The following LSAMP variants were observed in gnomAD, a reference collection of about 807,000 sequenced individuals.
The protein encoded by LSAMP is limbic system associated membrane protein, also known as limbic system-associated membrane protein.
Under a neutral mutation model 38.6 loss-of-function variants are expected in LSAMP, and 7 were observed. That is an observed-to-expected ratio of 0.18 (90% CI 0.10 to 0.34). LSAMP has a LOEUF of 0.34. LSAMP is among the 10% of genes least tolerant of loss of function. The probability of loss-of-function intolerance (pLI) is 1.00; values close to 1 mark genes in which losing one functional copy is unlikely to be tolerated. For synonymous variants in LSAMP, 154 were observed against 166.8 expected, an observed-to-expected ratio of 0.92 and a Z score of 0.59; for missense variants, 313 against 420.0, an observed-to-expected ratio of 0.75 and a Z score of 2.23.
chr3:116,175,135 G>T lies in LSAMP; in HGVS notation c.156-88579C>A, dbSNP rs938547553. ...ATAACACTCATCCTGAGACAGCTAG[G>T]TTTATTGTTCTTTAGTTATTTTTTT... is the stretch of plus-strand genomic sequence containing the variant. On this transcript the variant is annotated intron_variant, in intron 1 of 6. Coordinates refer to ENST00000490035, the MANE Select transcript of LSAMP (RefSeq NM_002338.5). Among the ~76,000 whole-genome samples, 43 of 139,830 alleles carry T rather than the reference G, an allele frequency of 3.1e-4. 1 individual carries two copies. The highest frequency in any genetic ancestry group is 1.8e-3 in the Admixed American group (24 of 13,222). The allele number at this position is 139,830 out of a possible 152,430, so 91.7% of individuals were successfully genotyped here.
intron 1 of LSAMP, among the ~76,000 whole-genome samples, chr3:116,249,869 C>T (rs776542537): frequency 6.6e-6 from 1 of 152,092 alleles, no homozygotes; most frequent in Non-Finnish European, 1.5e-5. Context: ...ATGACAATAT[C>T]ATACTGTCAA....
At chr3:115,846,118 A>G (rs992850421) in intron 4 of LSAMP, among the ~76,000 whole-genome samples, 2 of 152,242 alleles carry the variant, frequency 1.3e-5, no homozygotes, top group Non-Finnish European at 2.9e-5. Context: ...ATTACAAATC[A>G]TACTGCAGCA....
intron 1 of LSAMP, among the ~76,000 whole-genome samples, chr3:116,158,527 T>A (rs1186706671): frequency 6.6e-6 from 1 of 152,096 alleles, no homozygotes; most frequent in Non-Finnish European, 1.5e-5. Context: ...TGTATACAAA[T>A]CATCAGTAGC....
chr3:116,295,589 T>C (rs1422541449), intron 1 of LSAMP, among the ~76,000 whole-genome samples: 1 of 152,224 alleles, frequency 6.6e-6, no homozygotes, highest in Non-Finnish European at 1.5e-5. Flanking sequence ...TGTTAGCATG[T>C]CCTTCTAGTC....
chr3:116,259,614 G>A (rs1273101100), intron 1 of LSAMP, among the ~76,000 whole-genome samples: 1 of 152,160 alleles, frequency 6.6e-6, no homozygotes, highest in African/African-American at 2.4e-5. Flanking sequence ...GTGCATGCAA[G>A]TAGTTTTAAC....
At chr3:116,064,630 G>A (rs749345906) in intron 2 of LSAMP, among the ~76,000 whole-genome samples, 7 of 151,888 alleles carry the variant, frequency 4.6e-5, no homozygotes, top group Non-Finnish European at 7.4e-5. Context: ...CAATTAAAAT[G>A]AAAACAACAA....
chr3:116,332,600 T>C (rs889783115), intron 1 of LSAMP, among the ~76,000 whole-genome samples: 4 of 152,094 alleles, frequency 2.6e-5, no homozygotes, highest in Non-Finnish European at 4.4e-5. Context: ...ATGAGGCATA[T>C]AGGAAGTAAG....
intron 1 of LSAMP, among the ~76,000 whole-genome samples, chr3:116,098,653 A>G (rs552694742): frequency 1.3e-5 from 2 of 152,058 alleles, no homozygotes; most frequent in East Asian, 3.9e-4. Flanking sequence ...TTCCAGAATT[A>G]TTTTCTTCAG....
chr3:115,999,809 G>A (rs1406121099), intron 3 of LSAMP, among the ~76,000 whole-genome samples: 1 of 152,156 alleles, frequency 6.6e-6, no homozygotes, highest in Admixed American at 6.5e-5. Flanking sequence ...AAAGCTGAAT[G>A]CCTTTCCTAG....
At chr3:115,966,152 A>G (rs552948068) in intron 3 of LSAMP, among the ~76,000 whole-genome samples, 12 of 152,336 alleles carry the variant, frequency 7.9e-5, no homozygotes, top group African/African-American at 2.9e-4. Context: ...GGAAGGGACT[A>G]TGCACCTATT....
chr3:116,202,902 C>T (rs572895368), intron 1 of LSAMP, among the ~76,000 whole-genome samples: 5 of 152,146 alleles, frequency 3.3e-5, no homozygotes, highest in Non-Finnish European at 7.3e-5. Flanking sequence ...AGGGTAAGCA[C>T]CACTGAAGTT....
At chr3:116,407,542 AG>A (rs1409304140) in intron 1 of LSAMP, among the ~76,000 whole-genome samples, 1 of 152,058 alleles carries the variant, frequency 6.6e-6, no homozygotes, top group Non-Finnish European at 1.5e-5. Flanking sequence ...TGCTTATGTT[AG>A]GAAAAAGGTC....
intron 1 of LSAMP, among the ~76,000 whole-genome samples, chr3:116,398,477 T>C (rs1559854155): frequency 6.6e-6 from 1 of 152,180 alleles, no homozygotes; most frequent in Non-Finnish European, 1.5e-5. Flanking sequence ...GTTGACCGAT[T>C]AGCTGACAAA....
chr3:116,024,560 C>T (rs1288828003), intron 2 of LSAMP, among the ~76,000 whole-genome samples: 3 of 152,098 alleles, frequency 2.0e-5, no homozygotes, highest in Admixed American at 6.5e-5. Context: ...CAACTACAGG[C>T]TTTTCTGAGT....
At chr3:116,153,756 A>G (rs1271773298) in intron 1 of LSAMP, among the ~76,000 whole-genome samples, 1 of 152,166 alleles carries the variant, frequency 6.6e-6, no homozygotes, top group Non-Finnish European at 1.5e-5. Flanking sequence ...TTAAATTACA[A>G]TATCTACAGT....
At chr3:116,399,426 C>G (rs148452848) in intron 1 of LSAMP, among the ~76,000 whole-genome samples, 1 of 152,120 alleles carries the variant, frequency 6.6e-6, no homozygotes, top group Non-Finnish European at 1.5e-5. Flanking sequence ...TAAGAAGAAA[C>G]AGAATTGAGA....
chr3:116,309,110 TC>T (rs1358711562), intron 1 of LSAMP, among the ~76,000 whole-genome samples: 2 of 152,098 alleles, frequency 1.3e-5, no homozygotes, highest in African/African-American at 4.8e-5. Flanking sequence ...GGAATGTGAT[TC>T]ACATTAATAT....
At chr3:116,311,562 G>C (rs2047557891) in intron 1 of LSAMP, among the ~76,000 whole-genome samples, 1 of 152,078 alleles carries the variant, frequency 6.6e-6, no homozygotes, top group South Asian at 2.1e-4. Flanking sequence ...ATCTGTGTTT[G>C]AGCTCCATCC....
chr3:115,987,211 A>G (rs977265511), intron 3 of LSAMP, among the ~76,000 whole-genome samples: 1 of 152,146 alleles, frequency 6.6e-6, no homozygotes, highest in Non-Finnish European at 1.5e-5. Flanking sequence ...CACATTTCTA[A>G]GCCTCCCCTG....
Sources: gnomAD v4.1 joint callset for allele counts (sites outside exome capture counted in the v4.1 genomes callset) on GRCh38, gnomAD v4.1.1 for gene constraint, MANE v1.5 for transcripts, NCBI Gene and HGNC (gene_info 2026-07-23, HGNC 2026-07-21) for gene names.